ZNF107: variants seen among roughly 807,000 people sequenced by gnomAD.
ZNF107 encodes the protein zinc finger protein 107.
A neutral mutation model predicts 12.3 loss-of-function variants in ZNF107; 19 were observed. That is an observed-to-expected ratio of 1.55 (90% CI 1.08 to 2.27). The LOEUF is 2.27. Among genes scored for constraint, ZNF107 ranks in the 30% most tolerant of loss-of-function variants. The pLI is 0.00. For missense variants in ZNF107, 958 were observed against 979.9 expected (o/e 0.98, Z 0.30); for synonymous variants, 317 against 330.5 (o/e 0.96, Z 0.44).
Position 64,708,395 on chromosome 7 carries a change from T to C in ZNF107, c.2298T>C (p.Cys766=), listed in dbSNP as rs1240793377. ...AGAAACCCTATAAATGTGAAGAATG[T>C]GGCAAAGCTTTTAACCAATCCTCAA... ...TGEKPYKCEE[C]GKAFNQSSNL... Residue 766 remains cysteine, a synonymous_variant, in exon 4 of 4, where the codon TGT becomes TGC. Transcript: ENST00000620827. 6.2e-7 allele frequency: 1 copy of C among 1,604,320 alleles called. No homozygotes were observed. Among genetic ancestry groups the C allele is most frequent in the Non-Finnish European group, 8.5e-7 (1 of 1,172,988 alleles).
chr7:64,684,245 A>C (rs1485010415), intron 1 of ZNF107, among the ~76,000 whole-genome samples: 1 of 152,132 alleles, frequency 6.6e-6, no homozygotes, highest in Non-Finnish European at 1.5e-5. Flanking sequence ...GTACTTTTCT[A>C]CTGGGGCCCA....
chr7:64,695,901 C>T (rs958378010), intron 3 of ZNF107, among the ~76,000 whole-genome samples: 74 of 152,088 alleles, frequency 4.9e-4, no homozygotes, highest in Middle Eastern at 3.4e-3. Flanking sequence ...AAACTCATTA[C>T]ATAAAATATA....
chr7:64,687,539 G>A (rs1206843305), intron 1 of ZNF107: 1 of 985,404 alleles, frequency 1.0e-6, no homozygotes, highest in Non-Finnish European at 1.2e-6. Context: ...AAGCTACCAG[G>A]AGACGGCAAG....
At chr7:64,666,537 C>T (rs1280138364) in intron 1 of ZNF107, among the ~76,000 whole-genome samples, 1 of 152,228 alleles carries the variant, frequency 6.6e-6, no homozygotes, top group East Asian at 1.9e-4. Context: ...TGCTCAGTGA[C>T]TGTGCCCTGG....
Position 64,710,349 on chromosome 7 carries a change from T to G in ZNF107, c.*1693T>G, listed in dbSNP as rs1366105708. 1.3e-5 allele frequency: 2 copies of G among 152,134 alleles called. No homozygotes were observed. The highest frequency in any genetic ancestry group is 2.9e-5 in the Non-Finnish European group (2 of 68,018). 9.4% of individuals were successfully genotyped at this position (152,134 alleles called of 1,614,324 possible). A position where few individuals can be genotyped will look rare whatever the true frequency, so the allele number is the denominator to read the frequency against. On this transcript the variant is annotated 3_prime_UTR_variant, in exon 4 of 4. Transcript: ENST00000620827. ...TTTGTGAAAACATTTTTTAAAAAAC[T>G]ACAGCTTAGAAAATACCAGAGGCCT... is the stretch of plus-strand genomic sequence containing the variant.
intron 3 of ZNF107, among the ~76,000 whole-genome samples, chr7:64,702,422 A>G (rs974712658): frequency 2.6e-5 from 4 of 152,188 alleles, no homozygotes; most frequent in African/African-American, 9.6e-5. Flanking sequence ...GGCGTGAGCC[A>G]CCGCGCCCGG....
At chr7:64,701,206 G>A (rs74463378) in intron 3 of ZNF107, among the ~76,000 whole-genome samples, 3,041 of 152,014 alleles carry the variant, frequency 0.02, 84 homozygotes, top group East Asian at 0.14. Flanking sequence ...CCCAATTGTG[G>A]TTACTATTTG....
At chr7:64,670,915 T>C (rs1410690733) in intron 1 of ZNF107, among the ~76,000 whole-genome samples, 1 of 152,214 alleles carries the variant, frequency 6.6e-6, no homozygotes, top group Non-Finnish European at 1.5e-5. Context: ...GAAGCACTGA[T>C]AGGCCCGTAT....
intron 1 of ZNF107, among the ~76,000 whole-genome samples, chr7:64,688,067 A>G (rs1584477922): frequency 6.6e-6 from 1 of 152,156 alleles, no homozygotes; most frequent in Non-Finnish European, 1.5e-5. Context: ...ATAGTCCTCT[A>G]CAGTCACCTC....
chr7:64,706,857 G>A lies in ZNF107; in HGVS notation c.760G>A (p.Glu254Lys). 6.2e-7 allele frequency: 1 copy of A among 1,613,574 alleles called. No homozygotes were observed. The highest frequency in any genetic ancestry group is 1.3e-5 in the African/African-American group (1 of 75,020). ...LTRHKIIHTE[E>K]KPNKCEECGK... ...TAGGCATAAGATAATTCATACTGAAGAGAAACCCAACAAATGTGAAGAATG... is the reference window on the plus strand; with the variant it reads ...TAGGCATAAGATAATTCATACTGAAAAGAAACCCAACAAATGTGAAGAATG... The change falls in exon 4 of 4, where the codon GAG becomes AAG. Residue 254 changes from glutamate to lysine, a missense_variant. By Grantham distance (56) the Glu-to-Lys change is moderately conservative. Transcript: ENST00000620827.
At chr7:64,698,532 C>T (rs551479049) in intron 3 of ZNF107, among the ~76,000 whole-genome samples, 10 of 152,166 alleles carry the variant, frequency 6.6e-5, no homozygotes, top group Admixed American at 2.6e-4. Flanking sequence ...AAGCATTCTC[C>T]TGCCTCAGCC....
intron 1 of ZNF107, among the ~76,000 whole-genome samples, chr7:64,683,081 T>C (rs1260161733): frequency 2.6e-5 from 4 of 152,222 alleles, no homozygotes; most frequent in African/African-American, 9.6e-5. Context: ...ACATCTGTTA[T>C]CGAGGCTGCT....
chr7:64,683,481 C>T (rs944616738), intron 1 of ZNF107, among the ~76,000 whole-genome samples: 6 of 152,214 alleles, frequency 3.9e-5, no homozygotes, highest in Admixed American at 3.9e-4. Flanking sequence ...ATTTCTTTCT[C>T]ATCTATTATC....
At chr7:64,674,246 C>T (rs992990806) in intron 1 of ZNF107, among the ~76,000 whole-genome samples, 1 of 152,050 alleles carries the variant, frequency 6.6e-6, no homozygotes, top group African/African-American at 2.4e-5. Flanking sequence ...TATCCAAGAG[C>T]ATAAAACGAT....
At chr7:64,669,023 T>C in intron 1 of ZNF107, 1 of 93,718 alleles carries the variant, frequency 1.1e-5, no homozygotes, top group East Asian at 2.5e-4. Flanking sequence ...TTTTTTTTTT[T>C]TTTTTTTTTT....
chr7:64,671,906 C>T (rs924070534), intron 1 of ZNF107, among the ~76,000 whole-genome samples: 13 of 151,528 alleles, frequency 8.6e-5, no homozygotes, highest in Admixed American at 1.3e-4. Context: ...CTCAGCCTCC[C>T]GAGTAGCTGG....
chr7:64,674,855 C>T (rs1337945191), intron 1 of ZNF107, among the ~76,000 whole-genome samples: 3 of 152,102 alleles, frequency 2.0e-5, no homozygotes, highest in Admixed American at 6.6e-5. Context: ...GCATCTATTG[C>T]GATAATCTTG....
chr7:64,709,037 G>T lies in ZNF107; in HGVS notation c.*381G>T. ...CACATAAGATAATTTATACTGGAGA[G>T]GAACTCTATAGTTGTGAAGAATGTG... On this transcript the variant is annotated 3_prime_UTR_variant, in exon 4 of 4. Transcript: ENST00000620827. 2.2e-6 allele frequency: 1 copy of T among 447,672 alleles called. No individual in the cohort carries two copies. The highest frequency in any genetic ancestry group is 4.4e-6 in the Non-Finnish European group (1 of 227,062). 27.7% of individuals were successfully genotyped at this position (447,672 alleles called of 1,614,324 possible). A position where few individuals can be genotyped will look rare whatever the true frequency, so the allele number is the denominator to read the frequency against.
intron 1 of ZNF107, among the ~76,000 whole-genome samples, chr7:64,672,611 C>A (rs1234306294): frequency 6.6e-6 from 1 of 152,176 alleles, no homozygotes; most frequent in Non-Finnish European, 1.5e-5. Context: ...AATCTGCATG[C>A]CTCAGCTTAC....
Sources: gnomAD v4.1 joint callset for allele counts (sites outside exome capture counted in the v4.1 genomes callset) on GRCh38, gnomAD v4.1.1 for gene constraint, MANE v1.5 for transcripts, NCBI Gene and HGNC (gene_info 2026-07-23, HGNC 2026-07-21) for gene names.